Variants in FAM131B observed in about 807,000 individuals in gnomAD.
FAM131B encodes the protein protein FAM131B.
FAM131B carries 19 observed loss-of-function variants against 42.0 expected under a neutral mutation model. The observed-to-expected ratio is 0.45, with a 90% CI of 0.32 to 0.66. The LOEUF is 0.66. Ranked by LOEUF, FAM131B falls within the 30% of genes least tolerant of loss-of-function variation. FAM131B has a pLI of 0.05. For missense variants in FAM131B, 370 were observed against 468.4 expected, an observed-to-expected ratio of 0.79 and a Z score of 1.94; for synonymous variants, 183 against 177.6, an observed-to-expected ratio of 1.03 and a Z score of -0.24.
Position 143,362,113 on chromosome 7 carries a change from G to A in FAM131B, c.28+463C>T. On this transcript the variant is annotated intron_variant, in intron 1 of 6. Transcript: ENST00000443739. This position sits in a 1 kb window ranked among gnomAD's most constrained non-coding sequence, Gnocchi z 7.7. Reference sequence around the variant, plus strand: ...AGCACCCGAGCCAGATGGAGGCGGCGGCGGGGGGTGGCGTGGGGGGCGTGC... The same window carrying A: ...AGCACCCGAGCCAGATGGAGGCGGCAGCGGGGGGTGGCGTGGGGGGCGTGC... 2 of 898,242 alleles carry A rather than the reference G, an allele frequency of 2.2e-6. No homozygotes were observed. Among genetic ancestry groups the A allele is most frequent in the Non-Finnish European group, 2.7e-6 (2 of 749,478 alleles). 55.6% of individuals were successfully genotyped at this position (898,242 alleles called of 1,614,324 possible).
rs774768610 is a variant in FAM131B at position 143,359,201 on chromosome 7, GA to G, written c.268+124del. ...GGCCTGGAGGATGGGAGGCTTGACA[GA>G]AGGGTGAATAGGTCAGGGGGTGGGG... On this transcript the variant is annotated intron_variant, in intron 4 of 6. Transcript: ENST00000443739. This position sits in a 1 kb window ranked among gnomAD's most constrained non-coding sequence, Gnocchi z 5.4. 1 of 1,019,382 alleles carries G rather than the reference GA, an allele frequency of 9.8e-7. No homozygotes were observed. The highest frequency in any genetic ancestry group is 1.5e-6 in the Non-Finnish European group (1 of 674,094). The allele number at this position is 1,019,382 out of a possible 1,614,324, so 63.1% of individuals were successfully genotyped here.
chr7:143,381,603 C>A, the FAM131B span: 2 of 1,611,702 alleles, frequency 1.2e-6, no homozygotes, highest in South Asian at 1.1e-5. Flanking sequence ...CCCGCGATCT[C>A]CGTTTCGGTC....
At chr7:143,381,730 G>A in the FAM131B span, 2 of 1,599,796 alleles carry the variant, frequency 1.3e-6, no homozygotes, top group South Asian at 2.2e-5. Context: ...CCGGGGCCCA[G>A]CGCGCACAGA....
chr7:143,379,553 A>T, the FAM131B span: 1 of 152,200 alleles, frequency 6.6e-6, no homozygotes, highest in African/African-American at 2.4e-5. Context: ...AGGACATTGC[A>T]CATACCGAGG....
chr7:143,369,775 C>T, the FAM131B span, among the ~76,000 whole-genome samples: 6 of 151,760 alleles, frequency 4.0e-5, no homozygotes, highest in Middle Eastern at 3.4e-3. Flanking sequence ...TTCTTTCTAA[C>T]TTAGGAGTTC....
rs932738758 is a variant in FAM131B at position 143,354,874 on chromosome 7, A to G, written c.*1676T>C. The G allele has an allele frequency of 6.6e-6, 1 of 152,370 alleles. No homozygotes were observed. Among genetic ancestry groups the G allele is most frequent in the Non-Finnish European group, 1.5e-5 (1 of 68,196 alleles). The allele number at this position is 152,370 out of a possible 1,614,324, so 9.4% of individuals were successfully genotyped here. On this transcript the variant is annotated 3_prime_UTR_variant, in exon 7 of 7. Coordinates refer to ENST00000443739, the MANE Select transcript of FAM131B (RefSeq NM_001031690.3). ...GCGGGACAGGACCATAGATGGACAG[A>G]AACACCCCAACTCTCAACCTTCTCA...
upstream of FAM131B, among the ~76,000 whole-genome samples, chr7:143,366,390 A>G (rs1250274638): frequency 1.3e-5 from 2 of 152,138 alleles, no homozygotes; most frequent in Non-Finnish European, 2.9e-5. Flanking sequence ...TAGAGTATCT[A>G]TCTTCAGGCA....
At chr7:143,357,053 C>T (rs1399082093) in intron 6 of FAM131B, 31 bp from the exon 7 acceptor site, 1 of 1,506,050 alleles carries the variant, frequency 6.6e-7, no homozygotes, top group East Asian at 2.3e-5. Flanking sequence ...GTCAGTGGGG[C>T]CACAGAATGT....
the FAM131B span, chr7:143,381,180 G>C: frequency 7.1e-6 from 7 of 991,152 alleles, no homozygotes; most frequent in East Asian, 5.6e-4. Context: ...CCCCTTCCTG[G>C]GGGAGTTTCC....
At position 143,358,881 on chromosome 7, in the gene FAM131B, T is replaced by A; in HGVS notation, c.412A>T (p.Thr138Ser). 6.2e-7 allele frequency: 1 copy of A among 1,614,136 alleles called. No homozygotes were observed. The highest frequency in any genetic ancestry group is 1.3e-5 in the African/African-American group (1 of 75,044). Residue 138 changes from threonine (T) to serine (S), a missense_variant, in exon 5 of 7, where the codon ACG becomes TCG. Coordinates refer to ENST00000443739, the MANE Select transcript of FAM131B (RefSeq NM_001031690.3). This position sits in a 1 kb window ranked among gnomAD's most constrained non-coding sequence, Gnocchi z 4.7. ...QHSHESVRRD[T>S]DAYSDLSDGE... Reference sequence around the variant, plus strand: ...TCGCTGAGGTCGGAGTAGGCATCCGTATCCCTGCGCACGGACTCATGGCTG... The same window carrying A: ...TCGCTGAGGTCGGAGTAGGCATCCGAATCCCTGCGCACGGACTCATGGCTG...
In FAM131B at chr7:143,359,218, G is replaced by T; in HGVS notation, c.268+108C>A. On this transcript the variant is annotated intron_variant, in intron 4 of 6. Transcript: ENST00000443739. This position sits in a 1 kb window ranked among gnomAD's most constrained non-coding sequence, Gnocchi z 5.4. ...GCTTGACAGAAGGGTGAATAGGTCA[G>T]GGGGTGGGGATGAGGGTCTTCATCA... is the stretch of plus-strand genomic sequence containing the variant. The T allele has an allele frequency of 1.9e-6, 2 of 1,029,398 alleles. No homozygotes were observed. Among genetic ancestry groups the T allele is most frequent in the Non-Finnish European group, 3.0e-6 (2 of 674,654 alleles). The allele number at this position is 1,029,398 out of a possible 1,614,324, so 63.8% of individuals were successfully genotyped here.
chr7:143,378,815 G>T, the FAM131B span, among the ~76,000 whole-genome samples: 1 of 152,146 alleles, frequency 6.6e-6, no homozygotes. Flanking sequence ...GACCTCAAGT[G>T]ATCTGCCTGC....
rs1803829947 is a variant in FAM131B, at chr7:143,359,172, G to C, written c.269-148C>G. On this transcript the variant is annotated intron_variant, in intron 4 of 6. Transcript: ENST00000443739. The surrounding 1 kb of genome is among the most constrained non-coding windows in gnomAD (Gnocchi z 5.4). Reference sequence around the variant, plus strand: ...GACTCCATAGATGGGGTAGTGGAGGGAATGGCCTGGAGGATGGGAGGCTTG... The same window carrying C: ...GACTCCATAGATGGGGTAGTGGAGGCAATGGCCTGGAGGATGGGAGGCTTG... 9.8e-7 allele frequency: 1 copy of C among 1,023,678 alleles called. No homozygotes were observed. The highest frequency in any genetic ancestry group is 1.5e-5 in the South Asian group (1 of 66,752). The allele number at this position is 1,023,678 out of a possible 1,614,324, so 63.4% of individuals were successfully genotyped here.
chr7:143,381,399 T>C, the FAM131B span: 2 of 1,195,086 alleles, frequency 1.7e-6, no homozygotes, highest in African/African-American at 3.2e-5. Context: ...GCGCGCACGC[T>C]CCGGCCTGCG....
At chr7:143,377,160 T>G in the FAM131B span, among the ~76,000 whole-genome samples, 1 of 152,122 alleles carries the variant, frequency 6.6e-6, no homozygotes, top group Admixed American at 6.5e-5. Context: ...TTTCTCCATG[T>G]TGGCCATGCC....
chr7:143,382,268 C>T, the FAM131B span: 1,190 of 1,612,948 alleles, frequency 7.4e-4, 8 homozygotes, highest in African/African-American at 0.014. Context: ...GCCTCCACCT[C>T]CCCTTGCTGG....
the FAM131B span, among the ~76,000 whole-genome samples, chr7:143,368,107 G>T: frequency 6.6e-6 from 1 of 152,204 alleles, no homozygotes; most frequent in African/African-American, 2.4e-5. Context: ...TCCTGGTCAG[G>T]TCCCAAGCAC....
chr7:143,379,233 A>AT, the FAM131B span, among the ~76,000 whole-genome samples: 1 of 152,210 alleles, frequency 6.6e-6, no homozygotes, highest in African/African-American at 2.4e-5. Context: ...AAGGGGCCAT[A>AT]TTTTGAAGGA....
the FAM131B span, chr7:143,380,537 G>A: frequency 1.0e-6 from 1 of 985,484 alleles, no homozygotes; most frequent in Non-Finnish European, 1.2e-6. The surrounding 1 kb of genome is among the most constrained non-coding windows in gnomAD (Gnocchi z 5.0). Context: ...GTCCGCAGGC[G>A]GCCGCCGCCT....
Sources: allele counts gnomAD v4.1 joint callset (sites outside exome capture counted in the v4.1 genomes callset), GRCh38; gene constraint gnomAD v4.1.1; non-coding constraint Gnocchi (gnomAD v3.1); transcripts MANE v1.5; gene names NCBI Gene and HGNC (gene_info 2026-07-23, HGNC 2026-07-21).